The following CUBN variants were observed in gnomAD, a reference collection of about 807,000 sequenced individuals.
CUBN encodes the protein cubilin.
CUBN carries 282 observed loss-of-function variants against 405.3 expected under a neutral mutation model. The ratio of observed to expected loss-of-function variants is 0.70; its 90% CI spans 0.63 to 0.77. The LOEUF (loss-of-function observed/expected upper bound fraction) is 0.77. Ranked by LOEUF, CUBN falls within the 30% of genes least tolerant of loss-of-function variation. The pLI, the probability that CUBN is intolerant of heterozygous loss-of-function variation, is 0.00. For missense variants in CUBN, 4,514 were observed against 4,475.2 expected, an observed-to-expected ratio of 1.01 and a Z score of -0.25; for synonymous variants, 1,684 against 1,617.0, an observed-to-expected ratio of 1.04 and a Z score of -0.99.
chr10:16,924,168 G>C (rs1329446388), intron 43 of CUBN, among the ~76,000 whole-genome samples: 1 of 152,176 alleles, frequency 6.6e-6, no homozygotes, highest in Non-Finnish European at 1.5e-5. Context: ...CTAGACTCAG[G>C]ACACTGCTAC....
intron 5 of CUBN, chr10:17,123,275 A>G (rs1837088797): frequency 2.2e-6 from 1 of 462,262 alleles, no homozygotes; most frequent in South Asian, 2.6e-5. Context: ...GAAAATTTGC[A>G]TAGGTATGTC....
intron 14 of CUBN, among the ~76,000 whole-genome samples, chr10:17,096,159 C>T (rs1836370854): frequency 6.6e-6 from 1 of 151,956 alleles, no homozygotes; most frequent in Admixed American, 6.6e-5. Flanking sequence ...AAATGTTGGT[C>T]AAAGGCTAAA....
chr10:17,055,549 A>G (rs1006885259), intron 22 of CUBN, among the ~76,000 whole-genome samples: 3 of 152,130 alleles, frequency 2.0e-5, no homozygotes, highest in Non-Finnish European at 4.4e-5. Flanking sequence ...ATTAGAACTA[A>G]TAACTGAGTT....
intron 63 of CUBN, among the ~76,000 whole-genome samples, chr10:16,835,528 G>C (rs535693974): frequency 6.6e-6 from 1 of 151,556 alleles, no homozygotes; most frequent in South Asian, 2.1e-4. Flanking sequence ...CTCTCTTTTC[G>C]ACAAGGATGC....
chr10:16,952,436 T>C (rs1377544272), intron 32 of CUBN, 47 bp from the exon 33 acceptor site: 1 of 1,088,098 alleles, frequency 9.2e-7, no homozygotes, highest in East Asian at 2.4e-5. Flanking sequence ...TTTTCATTTC[T>C]ACTGACCGTA....
At chr10:16,848,999 C>T (rs555366823) in intron 60 of CUBN, among the ~76,000 whole-genome samples, 10 of 152,096 alleles carry the variant, frequency 6.6e-5, no homozygotes, top group African/African-American at 2.4e-4. Flanking sequence ...TCACCGCACT[C>T]GGCCGGCCAG....
intron 28 of CUBN, among the ~76,000 whole-genome samples, chr10:17,016,065 T>C (rs1834319761): frequency 6.6e-6 from 1 of 152,202 alleles, no homozygotes; most frequent in Non-Finnish European, 1.5e-5. Context: ...CCTCTCCTGA[T>C]ATCTGCAGCT....
At chr10:17,016,815 G>T (rs533971039) in intron 28 of CUBN, among the ~76,000 whole-genome samples, 2 of 152,266 alleles carry the variant, frequency 1.3e-5, no homozygotes. Context: ...AAGCTGAAAG[G>T]TCCTCCTGTG....
chr10:17,071,293 A>C, intron 19 of CUBN, 133 bp downstream of exon 19: 1 of 893,014 alleles, frequency 1.1e-6, no homozygotes, highest in Non-Finnish European at 1.8e-6. Flanking sequence ...GAGGATTTTT[A>C]CATATGTATC....
intron 28 of CUBN, among the ~76,000 whole-genome samples, chr10:17,008,231 C>A (rs1428456395): frequency 2.0e-5 from 2 of 102,176 alleles, no homozygotes; most frequent in Non-Finnish European, 4.1e-5. Context: ...AGTCCCTGCC[C>A]GTGTGTGGTG....
intron 29 of CUBN, among the ~76,000 whole-genome samples, chr10:16,987,650 T>C (rs1337192815): frequency 1.3e-5 from 2 of 152,164 alleles, no homozygotes; most frequent in Non-Finnish European, 2.9e-5. Flanking sequence ...ACATGCAGGC[T>C]GAGAAAGTCA....
chr10:16,976,146 C>A (rs1833086071), intron 31 of CUBN, among the ~76,000 whole-genome samples: 1 of 151,448 alleles, frequency 6.6e-6, no homozygotes, highest in Admixed American at 6.6e-5. Flanking sequence ...AATTTTTTAA[C>A]TGTTTTGTAG....
rs758169176 is a variant in CUBN at position 17,068,789 on chromosome 10, T to C, written c.2626-19A>G. The C allele has an allele frequency of 4.4e-6, 7 of 1,580,022 alleles. No homozygotes were observed. The highest frequency in any genetic ancestry group is 1.9e-4 in the Middle Eastern group (1 of 5,368). Reference sequence around the variant, plus strand: ...TACCAATCTAAAATTAGAGAAGATATGTTCAAATATGTTGTATATCAATTT... The same window carrying C: ...TACCAATCTAAAATTAGAGAAGATACGTTCAAATATGTTGTATATCAATTT... On this transcript the variant is annotated intron_variant, in intron 19 of 66. Coordinates refer to ENST00000377833, the MANE Select transcript of CUBN (RefSeq NM_001081.4).
chr10:17,113,074 T>C (rs1364670180), intron 8 of CUBN, among the ~76,000 whole-genome samples: 1 of 152,136 alleles, frequency 6.6e-6, no homozygotes, highest in African/African-American at 2.4e-5. Flanking sequence ...GAGACCAGCC[T>C]GGCCAACATG....
Position 16,913,923 on chromosome 10 carries a change from T to A in CUBN, c.7421A>T (p.His2474Leu), listed in dbSNP as rs370008117. ...GATTCTCCACTCGCAGATCCGGCCATGAGGATTTGGGTTCGGGTAGTTGGG... is the reference window on the plus strand; with the variant it reads ...GATTCTCCACTCGCAGATCCGGCCAAGAGGATTTGGGTTCGGGTAGTTGGG... ...TSPNYPNPNPHGRICEWRITA... is the reference protein window; with the variant it reads ...TSPNYPNPNPLGRICEWRITA... The change falls in exon 48 of 67, where the codon CAT (histidine) becomes CTT (leucine). Residue 2474 changes from histidine (H) to leucine (L), a missense_variant. Physicochemically the swap from His to Leu is moderately conservative, Grantham distance 99. Transcript: ENST00000377833. 6.2e-7 allele frequency: 1 copy of A among 1,613,910 alleles called. No individual in the cohort carries two copies. Among genetic ancestry groups the A allele is most frequent in the Admixed American group, 1.7e-5 (1 of 60,014 alleles).
chr10:17,094,198 G>A (rs1836324414), intron 14 of CUBN, among the ~76,000 whole-genome samples: 2 of 151,996 alleles, frequency 1.3e-5, no homozygotes, highest in South Asian at 4.1e-4. Context: ...ATCTTCAGGA[G>A]AACAACAAGA....
chr10:16,976,490 C>A (rs1403768923), intron 31 of CUBN, among the ~76,000 whole-genome samples: 1 of 128,856 alleles, frequency 7.8e-6, no homozygotes, highest in Non-Finnish European at 1.7e-5. Flanking sequence ...TTCTCTTTAT[C>A]TTTGTTATTA....
In CUBN at chr10:17,060,213, C is replaced by T. The variant is rs555460811; in HGVS notation, c.3139+5295G>A. 7.1e-4 allele frequency among the ~76,000 whole-genome samples: 108 copies of T among 152,166 alleles called. 1 individual carries two copies. Among genetic ancestry groups the T allele is most frequent in the East Asian group, 2.1e-3 (11 of 5,174 alleles). On this transcript the variant is annotated intron_variant, in intron 22 of 66. Coordinates refer to ENST00000377833, the MANE Select transcript of CUBN (RefSeq NM_001081.4). ...TTTCTCTCACCGCAACCTCCGCCTC[C>T]CAGGTTCAAGCAATTCTCCTGCCTC...
chr10:16,954,685 C>T lies in CUBN; in HGVS notation c.4696-137G>A, dbSNP rs2271470. 594,238 of 912,720 alleles carry T rather than the reference C, an allele frequency of 0.65. 195,787 individuals are homozygous for T. The highest frequency in any genetic ancestry group is 0.82 in the African/African-American group (50,222 of 61,022). The allele number at this position is 912,720 out of a possible 1,614,324, so 56.5% of individuals were successfully genotyped here. On this transcript the variant is annotated intron_variant, in intron 31 of 66. Transcript: ENST00000377833. ...ATCTAGGGAAACTGGCTTTATTGTC[C>T]TTTCTCACAGCTGTAACAAGTCTTT...
Sources: allele counts gnomAD v4.1 joint callset (sites outside exome capture counted in the v4.1 genomes callset), GRCh38; gene constraint gnomAD v4.1.1; transcripts MANE v1.5; gene names NCBI Gene and HGNC (gene_info 2026-07-23, HGNC 2026-07-21).